GPC6: variants seen among roughly 807,000 people sequenced by gnomAD.
GPC6 encodes glypican-6.
GPC6 carries 14 observed loss-of-function variants against 55.2 expected under a neutral mutation model. The ratio of observed to expected loss-of-function variants is 0.25; its 90% CI spans 0.17 to 0.40. GPC6 has a LOEUF of 0.40. GPC6 is among the 10% of genes least tolerant of loss of function. The pLI is 1.00. For synonymous variants in GPC6, 278 were observed against 259.6 expected, an observed-to-expected ratio of 1.07 and a Z score of -0.68; for missense variants, 641 against 708.5, an observed-to-expected ratio of 0.90 and a Z score of 1.08.
intron 3 of GPC6, among the ~76,000 whole-genome samples, chr13:93,843,445 G>GGTAT (rs1379564481): frequency 6.6e-6 from 1 of 152,100 alleles, no homozygotes; most frequent in African/African-American, 2.4e-5. Flanking sequence ...ATAAAGGGGA[G>GGTAT]ATAAGGAATG....
intron 3 of GPC6, among the ~76,000 whole-genome samples, chr13:93,998,764 A>G (rs975350512): frequency 1.3e-5 from 2 of 151,792 alleles, no homozygotes; most frequent in African/African-American, 4.8e-5. Flanking sequence ...TGAAATATAT[A>G]TGTGTGTATA....
chr13:93,989,347 C>T (rs1166598054), intron 3 of GPC6, among the ~76,000 whole-genome samples: 1 of 152,156 alleles, frequency 6.6e-6, no homozygotes. Flanking sequence ...TATACTGAAT[C>T]TGATACAGGG....
At chr13:93,619,368 CT>C (rs1253960490) in intron 2 of GPC6, among the ~76,000 whole-genome samples, 1 of 152,286 alleles carries the variant, frequency 6.6e-6, no homozygotes, top group East Asian at 1.9e-4. Flanking sequence ...TAAAAGGGAA[CT>C]GTTTCACAGC....
intron 1 of GPC6, among the ~76,000 whole-genome samples, chr13:93,263,454 T>C (rs760869593): frequency 6.6e-5 from 10 of 152,176 alleles, no homozygotes; most frequent in Non-Finnish European, 1.2e-4. Context: ...AACCTCTGCC[T>C]CGTGGGTTCA....
At chr13:93,549,031 C>G (rs1874980320) in intron 2 of GPC6, among the ~76,000 whole-genome samples, 2 of 152,102 alleles carry the variant, frequency 1.3e-5, no homozygotes, top group Non-Finnish European at 2.9e-5. Context: ...AGCCTCTTAT[C>G]CTTTGGTCTG....
intron 2 of GPC6, among the ~76,000 whole-genome samples, chr13:93,673,292 T>G (rs9516269): frequency 0.51 from 76,837 of 152,046 alleles, 21,514 homozygotes; most frequent in Middle Eastern, 0.77. Context: ...TCCACTATGT[T>G]GTGGTCAGTT....
chr13:93,940,149 C>A (rs567129846), intron 3 of GPC6, among the ~76,000 whole-genome samples: 1 of 152,150 alleles, frequency 6.6e-6, no homozygotes, highest in South Asian at 2.1e-4. Flanking sequence ...TTCTTACATC[C>A]TTGTTAGACT....
At chr13:93,556,392 G>GTATGTATA (rs1274527244) in intron 2 of GPC6, among the ~76,000 whole-genome samples, 162 of 119,450 alleles carry the variant, frequency 1.4e-3, no homozygotes, top group African/African-American at 4.8e-3. Flanking sequence ...GTGTGTGTGT[G>GTATGTATA]TGTATGTATG....
At chr13:93,615,229 G>A (rs1281797078) in intron 2 of GPC6, among the ~76,000 whole-genome samples, 1 of 152,054 alleles carries the variant, frequency 6.6e-6, no homozygotes, top group African/African-American at 2.4e-5. Flanking sequence ...AAACTACTGA[G>A]AATCATTTTA....
chr13:93,309,275 C>G (rs1413022010), intron 1 of GPC6, among the ~76,000 whole-genome samples: 1 of 149,176 alleles, frequency 6.7e-6, no homozygotes. Flanking sequence ...GTAGGTAAGT[C>G]TTTATTTTTG....
intron 3 of GPC6, among the ~76,000 whole-genome samples, chr13:93,875,203 T>G (rs1348354541): frequency 6.6e-6 from 1 of 151,998 alleles, no homozygotes; most frequent in Non-Finnish European, 1.5e-5. Flanking sequence ...AATTTCCATT[T>G]TGTTTCCCAA....
chr13:93,441,008 T>C (rs927270894), intron 1 of GPC6, among the ~76,000 whole-genome samples: 8 of 152,212 alleles, frequency 5.3e-5, no homozygotes, highest in African/African-American at 1.7e-4. Context: ...TCCATGTCCC[T>C]ACAAAGGACA....
At chr13:93,496,048 C>T (rs901844071) in intron 1 of GPC6, among the ~76,000 whole-genome samples, 9 of 152,094 alleles carry the variant, frequency 5.9e-5, no homozygotes, top group Admixed American at 5.9e-4. Context: ...GTGGTGGGCT[C>T]CACCCAGTTG....
At chr13:93,371,423 G>A (rs1022573533) in intron 1 of GPC6, among the ~76,000 whole-genome samples, 8 of 152,092 alleles carry the variant, frequency 5.3e-5, no homozygotes, top group Admixed American at 6.6e-5. Context: ...TGATTTGGGT[G>A]ATCTGGAAAA....
At chr13:93,956,441 G>A (rs370199824) in intron 3 of GPC6, among the ~76,000 whole-genome samples, 18 of 152,210 alleles carry the variant, frequency 1.2e-4, no homozygotes, top group African/African-American at 4.1e-4. Flanking sequence ...TACTCAGACT[G>A]TGTTACCACA....
At chr13:94,145,712 C>T (rs918770212) in intron 4 of GPC6, among the ~76,000 whole-genome samples, 1 of 152,014 alleles carries the variant, frequency 6.6e-6, no homozygotes, top group African/African-American at 2.4e-5. Context: ...TGGGGGAATT[C>T]AAAGATGAGC....
chr13:93,711,972 A>G (rs933447833), intron 2 of GPC6, among the ~76,000 whole-genome samples: 3 of 151,686 alleles, frequency 2.0e-5, no homozygotes, highest in African/African-American at 7.3e-5. Context: ...TAACTGGAGG[A>G]CACACTTCAC....
chr13:93,586,922 A>C (rs1877228392), intron 2 of GPC6, among the ~76,000 whole-genome samples: 1 of 152,172 alleles, frequency 6.6e-6, no homozygotes, highest in African/African-American at 2.4e-5. Flanking sequence ...GAAATGTTTC[A>C]GGGTTTGGAT....
chr13:94,109,948 G>A (rs570074021), intron 4 of GPC6, among the ~76,000 whole-genome samples: 3 of 151,424 alleles, frequency 2.0e-5, no homozygotes, highest in South Asian at 4.2e-4. Flanking sequence ...TGTGCTTGAT[G>A]GATATATTGG....
Sources: gnomAD v4.1 joint callset for allele counts (sites outside exome capture counted in the v4.1 genomes callset) on GRCh38, gnomAD v4.1.1 for gene constraint, MANE v1.5 for transcripts, NCBI Gene and HGNC (gene_info 2026-07-23, HGNC 2026-07-21) for gene names.